GRIK4: variants seen among roughly 807,000 people sequenced by gnomAD.
GRIK4 encodes the protein glutamate ionotropic receptor kainate type subunit 4.
In GRIK4, 40 loss-of-function variants were observed where a neutral mutation model predicts 104.9. That is an observed-to-expected ratio of 0.38 (90% CI 0.30 to 0.50). The LOEUF (loss-of-function observed/expected upper bound fraction) is 0.50. Ranked by LOEUF, GRIK4 falls within the 20% of genes least tolerant of loss-of-function variation. The pLI is 0.93. For synonymous variants in GRIK4, 485 were observed against 524.9 expected, an observed-to-expected ratio of 0.92 and a Z score of 1.04; for missense variants, 1,047 against 1,308.1, an observed-to-expected ratio of 0.80 and a Z score of 3.08.
At position 120,967,248 on chromosome 11, in the gene GRIK4, A is replaced by G; in HGVS notation, c.2320A>G (p.Asn774Asp). The G allele has an allele frequency of 6.2e-7, 1 of 1,613,794 alleles. No individual in the cohort carries two copies. The highest frequency in any genetic ancestry group is 8.5e-7 in the Non-Finnish European group (1 of 1,179,794). ...GGCCATTCTCCAGCTGCAGGAGAAC[A>G]ACCGCCTGGAGATCCTGAAGCGCAA... ...DLAILQLQEN[N>D]RLEILKRKWW... The change falls in exon 19 of 21, where the codon AAC (asparagine) becomes GAC (aspartate). Residue 774 changes from asparagine to aspartate, a missense_variant. Transcript: ENST00000527524. This position sits in a 1 kb window ranked among gnomAD's most constrained non-coding sequence, Gnocchi z 4.2.
At chr11:120,595,920 C>A (rs111477618) in intron 1 of GRIK4, among the ~76,000 whole-genome samples, 166 of 152,368 alleles carry the variant, frequency 1.1e-3, no homozygotes, top group African/African-American at 3.8e-3. Flanking sequence ...GATCTCAGCT[C>A]ACTGCAACTT....
intron 1 of GRIK4, among the ~76,000 whole-genome samples, chr11:120,563,103 A>G (rs1022419604): frequency 2.6e-5 from 4 of 152,216 alleles, no homozygotes; most frequent in Admixed American, 2.6e-4. Context: ...CTCCCTGGGT[A>G]AAACCCGGGA....
Position 120,791,209 on chromosome 11 carries a change from C to T in GRIK4, c.83-11484C>T, listed in dbSNP as rs144562289. 3.0e-3 allele frequency among the ~76,000 whole-genome samples: 462 copies of T among 152,076 alleles called. 3 individuals are homozygous for T. The highest frequency in any genetic ancestry group is 0.01 in the African/African-American group (430 of 41,440). Reference sequence around the variant, plus strand: ...GCATTACATGGAAGAGGAAGGGGAGCGAGGGAAGAGGTTGGGGCATATGAG... The same window carrying T: ...GCATTACATGGAAGAGGAAGGGGAGTGAGGGAAGAGGTTGGGGCATATGAG... On this transcript the variant is annotated intron_variant, in intron 3 of 20. Transcript: ENST00000527524.
intron 9 of GRIK4, among the ~76,000 whole-genome samples, chr11:120,863,195 C>T (rs974510903): frequency 2.6e-5 from 4 of 152,208 alleles, no homozygotes; most frequent in East Asian, 1.9e-4. Flanking sequence ...TTTTGGTCAG[C>T]GATGGACAAC....
At chr11:120,805,475 A>G (rs1048539321) in intron 4 of GRIK4, among the ~76,000 whole-genome samples, 2 of 152,228 alleles carry the variant, frequency 1.3e-5, no homozygotes, top group Non-Finnish European at 2.9e-5. Context: ...GAATAAAGGA[A>G]ACAGGTATCT....
At chr11:120,672,810 T>C (rs1438041850) in intron 3 of GRIK4, among the ~76,000 whole-genome samples, 1 of 152,246 alleles carries the variant, frequency 6.6e-6, no homozygotes, top group Non-Finnish European at 1.5e-5. Context: ...GCTTATCAGC[T>C]TAAGGAGTTT....
chr11:120,564,806 G>A (rs1451674587), intron 1 of GRIK4: 1 of 147,324 alleles, frequency 6.8e-6, no homozygotes, highest in East Asian at 1.9e-4. Context: ...CTCGCCCCTC[G>A]AGGCTCCCGC....
chr11:120,956,512 A>G lies in GRIK4; in HGVS notation c.1701-268A>G, dbSNP rs1020402550. Among the ~76,000 whole-genome samples the G allele has an allele frequency of 1.3e-5, 2 of 152,080 alleles. No individual in the cohort carries two copies. The highest frequency in any genetic ancestry group is 4.8e-5 in the African/African-American group (2 of 41,418). Reference sequence around the variant, plus strand: ...GAGCCACCGCACCTGGCCATCCTCTATTCTGTATTTTGGAGTTCCACATCA... The same window carrying G: ...GAGCCACCGCACCTGGCCATCCTCTGTTCTGTATTTTGGAGTTCCACATCA... On this transcript the variant is annotated intron_variant, in intron 15 of 20. Coordinates refer to ENST00000527524, the MANE Select transcript of GRIK4 (RefSeq NM_014619.5). This position sits in a 1 kb window ranked among gnomAD's most constrained non-coding sequence, Gnocchi z 4.6.
chr11:120,696,504 G>A (rs1175016090), intron 3 of GRIK4, among the ~76,000 whole-genome samples: 2 of 131,364 alleles, frequency 1.5e-5, no homozygotes, highest in African/African-American at 5.6e-5. Context: ...GGTAGAGGGG[G>A]CTGTGAAGCT....
In GRIK4 at chr11:120,626,618, G is replaced by C. The variant is rs376636059; in HGVS notation, c.-158-27067G>C. Reference sequence around the variant, plus strand: ...TCAAGTCTCAAGCTCACCTTGATCCGTGCTTTCCCCAGGGAACAGTAGTCT... The same window carrying C: ...TCAAGTCTCAAGCTCACCTTGATCCCTGCTTTCCCCAGGGAACAGTAGTCT... On this transcript the variant is annotated intron_variant, in intron 1 of 20. Transcript: ENST00000527524. 2.6e-5 allele frequency among the ~76,000 whole-genome samples: 4 copies of C among 152,200 alleles called. No homozygotes were observed. The East Asian group carries it at 7.7e-4, about 29-fold the overall frequency.
rs1196182623 is a variant in GRIK4, at chr11:120,660,481, C to G, written c.82+81C>G. 39 of 1,068,424 alleles carry G rather than the reference C, an allele frequency of 3.7e-5. 1 individual carries two copies. The highest frequency in any genetic ancestry group is 5.4e-5 in the Non-Finnish European group (38 of 709,744). The allele number at this position is 1,068,424 out of a possible 1,614,324, so 66.2% of individuals were successfully genotyped here. A position where few individuals can be genotyped will look rare whatever the true frequency, so the allele number is the denominator to read the frequency against. ...AGGGACATGAGAGTGCTGCACAGGA[C>G]TTGGGGAAGCTGCCCAGCCCGTGCA... is the stretch of plus-strand genomic sequence containing the variant. On this transcript the variant is annotated intron_variant, in intron 3 of 20. Coordinates refer to ENST00000527524, the MANE Select transcript of GRIK4 (RefSeq NM_014619.5).
intron 1 of GRIK4, among the ~76,000 whole-genome samples, chr11:120,646,963 G>A (rs1014497463): frequency 2.0e-5 from 3 of 152,208 alleles, no homozygotes; most frequent in Admixed American, 6.5e-5. Context: ...AGAGATTCAA[G>A]GATCTGACCA....
At chr11:120,847,408 A>C (rs1288895693) in intron 8 of GRIK4, among the ~76,000 whole-genome samples, 1 of 152,236 alleles carries the variant, frequency 6.6e-6, no homozygotes, top group Non-Finnish European at 1.5e-5. Context: ...AAAGTGATGA[A>C]GATATGCACA....
intron 9 of GRIK4, among the ~76,000 whole-genome samples, chr11:120,864,279 C>T (rs548743562): frequency 7.2e-5 from 11 of 151,800 alleles, no homozygotes; most frequent in East Asian, 3.9e-4. Flanking sequence ...CTTGCTCTTT[C>T]GCCCAGGCTG....
intron 13 of GRIK4, among the ~76,000 whole-genome samples, chr11:120,930,004 G>GAC (rs1555096695): frequency 1.4e-5 from 2 of 145,728 alleles, no homozygotes; most frequent in Non-Finnish European, 1.5e-5. Context: ...GCCACGTTTG[G>GAC]GGGGGGGGTC....
intron 13 of GRIK4, among the ~76,000 whole-genome samples, chr11:120,930,006 G>A (rs1046222268): frequency 6.6e-6 from 1 of 151,996 alleles, no homozygotes; most frequent in Non-Finnish European, 1.5e-5. Context: ...CACGTTTGGG[G>A]GGGGGGTCCC....
At chr11:120,931,839 T>G (rs550176198) in intron 13 of GRIK4, among the ~76,000 whole-genome samples, 1 of 152,216 alleles carries the variant, frequency 6.6e-6, no homozygotes, top group African/African-American at 2.4e-5. Context: ...GTCTGGTTCA[T>G]TGCATCCTCT....
intron 3 of GRIK4, among the ~76,000 whole-genome samples, chr11:120,693,577 A>G (rs977760727): frequency 2.6e-5 from 4 of 152,214 alleles, no homozygotes; most frequent in Non-Finnish European, 4.4e-5. Flanking sequence ...AGATACTGGG[A>G]AAGTCCTGGG....
At chr11:120,799,404 T>A (rs1026989203) in intron 3 of GRIK4, among the ~76,000 whole-genome samples, 2 of 152,238 alleles carry the variant, frequency 1.3e-5, no homozygotes, top group African/African-American at 4.8e-5. Flanking sequence ...AGGGTTCATT[T>A]ACAGTCTGTA....
Sources: gnomAD v4.1 joint callset for allele counts (sites outside exome capture counted in the v4.1 genomes callset) on GRCh38, gnomAD v4.1.1 for gene constraint, Gnocchi (gnomAD v3.1) non-coding constraint, MANE v1.5 for transcripts, NCBI Gene and HGNC (gene_info 2026-07-23, HGNC 2026-07-21) for gene names.